Variants in UBA52 observed in about 807,000 individuals in gnomAD.
UBA52 encodes ubiquitin A-52 residue ribosomal protein fusion product 1.
Under a neutral mutation model 15.3 loss-of-function variants are expected in UBA52, and 1 was observed. The observed-to-expected ratio is 0.07, with a 90% CI of 0.02 to 0.31. The LOEUF (loss-of-function observed/expected upper bound fraction) is 0.31, where lower values mean the gene tolerates loss of function less well. Among genes scored for constraint, UBA52 ranks in the 10% least tolerant of loss-of-function variants. The pLI, the probability that UBA52 is intolerant of heterozygous loss-of-function variation, is 1.00. For synonymous variants in UBA52, 50 were observed against 58.3 expected (o/e 0.86, Z 0.65); for missense variants, 87 against 168.0 (o/e 0.52, Z 2.66).
upstream of UBA52, chr19:18,568,682 G>A: frequency 7.1e-7 from 1 of 1,413,802 alleles, no homozygotes; most frequent in Non-Finnish European, 9.8e-7. Flanking sequence ...CATACAAGGT[G>A]GCAGCGGGTA....
chr19:18,565,230 G>GTTTTT, the UBA52 span: 10 of 1,090,242 alleles, frequency 9.2e-6, no homozygotes, highest in Admixed American at 7.3e-5. Flanking sequence ...TCGAGACAGA[G>GTTTTT]TTTTTTTTTT....
At chr19:18,567,054 G>A, upstream of UBA52, 1 of 1,375,174 alleles carries the variant, frequency 7.3e-7, no homozygotes, top group Non-Finnish European at 1.0e-6. Flanking sequence ...TCAGCTGGCA[G>A]CAGGGGCTTG....
chr19:18,574,999 C>CT (rs1351125187), intron 4 of UBA52, 27 bp downstream of exon 4: 1 of 1,614,042 alleles, frequency 6.2e-7, no homozygotes, highest in African/African-American at 1.3e-5. Flanking sequence ...GCTTGGGGGG[C>CT]TGTGGGGGCT....
chr19:18,564,990 C>A, the UBA52 span: 2 of 1,609,184 alleles, frequency 1.2e-6, no homozygotes, highest in Non-Finnish European at 1.7e-6. Context: ...AGAGATGAAA[C>A]GGGACCTGGA....
chr19:18,569,446 T>TG, upstream of UBA52: 1 of 153,144 alleles, frequency 6.5e-6, no homozygotes, highest in East Asian at 1.9e-4. Flanking sequence ...GTGCTGGATG[T>TG]GGGGCTGGGG....
chr19:18,565,229 A>AT, the UBA52 span: 38 of 1,088,034 alleles, frequency 3.5e-5, no homozygotes, highest in South Asian at 4.6e-5. Context: ...ATCGAGACAG[A>AT]GTTTTTTTTT....
At chr19:18,567,797 G>A (rs1026870385), upstream of UBA52, among the ~76,000 whole-genome samples, 2 of 152,216 alleles carry the variant, frequency 1.3e-5, no homozygotes, top group Admixed American at 1.3e-4. Context: ...GCAGTTTACA[G>A]AGCAGGGAGC....
intron 3 of UBA52, among the ~76,000 whole-genome samples, chr19:18,574,167 C>G (rs1019519491): frequency 6.6e-6 from 1 of 150,514 alleles, no homozygotes; most frequent in Admixed American, 6.6e-5. Context: ...GCCTGTAGTC[C>G]CAGCTACTCA....
At chr19:18,570,661 G>A (rs7247557), upstream of UBA52, among the ~76,000 whole-genome samples, 69,562 of 149,986 alleles carry the variant, frequency 0.46, 18,338 homozygotes, top group East Asian at 0.67. Flanking sequence ...ACAGGCACCC[G>A]CCACCACACC....
At chr19:18,570,664 A>G (rs1314631570), upstream of UBA52, among the ~76,000 whole-genome samples, 1 of 150,702 alleles carries the variant, frequency 6.6e-6, no homozygotes, top group Non-Finnish European at 1.5e-5. Flanking sequence ...GGCACCCGCC[A>G]CCACACCTGA....
chr19:18,568,452 C>T, upstream of UBA52: 1 of 1,614,068 alleles, frequency 6.2e-7, no homozygotes. Context: ...CCCCATCCCA[C>T]CCAGCACCAC....
At chr19:18,573,576 T>G (rs1039459130) in intron 2 of UBA52, 86 bp from the exon 3 acceptor site, 15 of 1,465,418 alleles carry the variant, frequency 1.0e-5, no homozygotes, top group Admixed American at 8.8e-5. Context: ...TTTGAGAAAC[T>G]GGGGGTAGTG....
Position 18,573,146 on chromosome 19 carries a change from G to A in UBA52, c.-8-147G>A, listed in dbSNP as rs942012074. ...GAGAAGCCTAGCAGGGCCAGGCTTG[G>A]AGGAGTGAAAGGAAGACAGGTACTG... On this transcript the variant is annotated intron_variant, in intron 1 of 4. Coordinates refer to ENST00000442744, the MANE Select transcript of UBA52 (RefSeq NM_001033930.3). 8 of 1,112,258 alleles carry A rather than the reference G, an allele frequency of 7.2e-6. No individual in the cohort carries two copies. In the African/African-American group the frequency reaches 1.2e-4, roughly 17 times the overall value. The allele number at this position is 1,112,258 out of a possible 1,614,324, so 68.9% of individuals were successfully genotyped here.
intron 2 of UBA52, 70 bp from the exon 3 acceptor site, chr19:18,573,592 G>T: frequency 6.5e-7 from 1 of 1,528,786 alleles, no homozygotes; most frequent in Non-Finnish European, 9.0e-7. Context: ...TAGTGCTGGA[G>T]CTCCCCTGCA....
At chr19:18,570,688 T>A (rs914847932), upstream of UBA52, among the ~76,000 whole-genome samples, 3 of 147,398 alleles carry the variant, frequency 2.0e-5, no homozygotes, top group South Asian at 2.2e-4. Context: ...ATTTTTGTAA[T>A]TTTTTTTTTC....
At chr19:18,573,808 A>G (rs2145289736) in intron 3 of UBA52, 60 bp downstream of exon 3, 1 of 1,517,282 alleles carries the variant, frequency 6.6e-7, no homozygotes, top group Non-Finnish European at 9.1e-7. Context: ...GGAAAGGAGC[A>G]TTGATGGCCT....
At chr19:18,568,548 G>C (rs746447208), upstream of UBA52, 3 of 1,613,922 alleles carry the variant, frequency 1.9e-6, no homozygotes, top group South Asian at 3.3e-5. Context: ...CCCCGGCTTC[G>C]AGGACCTGTC....
intron 1 of UBA52, chr19:18,573,086 TC>T: frequency 7.9e-7 from 1 of 1,266,856 alleles, no homozygotes; most frequent in Non-Finnish European, 1.1e-6. Context: ...GGTCTTTAGT[TC>T]CAGGACATGT....
chr19:18,573,818 T>G, intron 3 of UBA52, 70 bp downstream of exon 3: 1 of 1,460,244 alleles, frequency 6.8e-7, no homozygotes, highest in Non-Finnish European at 9.5e-7. Context: ...ATTGATGGCC[T>G]CAGGGGTTGG....
Sources: allele counts gnomAD v4.1 joint callset (sites outside exome capture counted in the v4.1 genomes callset), GRCh38; gene constraint gnomAD v4.1.1; transcripts MANE v1.5; gene names NCBI Gene and HGNC (gene_info 2026-07-23, HGNC 2026-07-21).